Variants in MARK4 observed in about 807,000 individuals in gnomAD.
MARK4 encodes the protein microtubule affinity regulating kinase 4.
Under a neutral mutation model 81.5 loss-of-function variants are expected in MARK4, and 19 were observed. That is an observed-to-expected ratio of 0.23 (90% CI 0.16 to 0.34). The LOEUF (loss-of-function observed/expected upper bound fraction) is 0.34. Ranked by LOEUF, MARK4 falls within the 10% of genes least tolerant of loss-of-function variation. The pLI, the probability that MARK4 is intolerant of heterozygous loss-of-function variation, is 1.00. For missense variants in MARK4, 772 were observed against 1,058.8 expected (o/e 0.73, Z 3.76); for synonymous variants, 436 against 439.0 (o/e 0.99, Z 0.08).
intron 1 of MARK4, among the ~76,000 whole-genome samples, chr19:45,252,310 C>T (rs1401755379): frequency 1.3e-5 from 2 of 152,108 alleles, no homozygotes; most frequent in African/African-American, 2.4e-5. Context: ...ATCCCAGCAC[C>T]CCGGGGCCCC....
At position 45,302,332 on chromosome 19, in the gene MARK4, T is replaced by A. The variant is rs780997329; in HGVS notation, c.1923-42T>A. 5.0e-6 allele frequency: 8 copies of A among 1,613,562 alleles called. No individual in the cohort carries two copies. Among genetic ancestry groups the A allele is most frequent in the Non-Finnish European group, 6.8e-6 (8 of 1,179,680 alleles). ...TCCCTTCAGCCCTCCACCACATTCCTCTTCGCTCCCATCTCTGACCCCTGA... is the reference window on the plus strand; with the variant it reads ...TCCCTTCAGCCCTCCACCACATTCCACTTCGCTCCCATCTCTGACCCCTGA... On this transcript the variant is annotated intron_variant, in intron 16 of 16. Transcript: ENST00000262891. This position sits in a 1 kb window ranked among gnomAD's most constrained non-coding sequence, Gnocchi z 4.9.
chr19:45,259,133 G>A lies in MARK4; in HGVS notation c.196G>A (p.Gly66Arg), dbSNP rs1970348360. Residue 66 changes from glycine (G) to arginine (R), a missense_variant, in exon 2 of 17, where the codon GGG becomes AGG. Physicochemically the swap from Gly to Arg is moderately radical, Grantham distance 125 (BLOSUM62 -2). Around this residue, in one of 3 missense-constraint regions of MARK4, gnomAD observed 115 missense variants for 139.8 expected, o/e 0.82. Coordinates refer to ENST00000262891, the MANE Select transcript of MARK4 (RefSeq NM_001199867.2). ...VGNYRLLRTI[G>R]KGNFAKVKLA... ...CAACTACCGCCTGCTGAGGACCATT[G>A]GGAAGGGCAACTTTGCCAAAGTCAA... 1 of 1,614,158 alleles carries A rather than the reference G, an allele frequency of 6.2e-7. No individual in the cohort carries two copies. Among genetic ancestry groups the A allele is most frequent in the Non-Finnish European group, 8.5e-7 (1 of 1,180,036 alleles).
Position 45,304,179 on chromosome 19 carries a change from AG to A in MARK4, c.*1472del, listed in dbSNP as rs1971018533. On this transcript the variant is annotated 3_prime_UTR_variant, in exon 17 of 17. Coordinates refer to ENST00000262891, the MANE Select transcript of MARK4 (RefSeq NM_001199867.2). ...GAATTCTAGTAATTTTTATCAAGTA[AG>A]GGCTCCTTTCCTGGTGGCACAGATG... 6.6e-6 allele frequency: 1 copy of A among 152,238 alleles called. No homozygotes were observed. The highest frequency in any genetic ancestry group is 2.4e-5 in the African/African-American group (1 of 41,450). 9.4% of individuals were successfully genotyped at this position (152,238 alleles called of 1,614,324 possible). A position where few individuals can be genotyped will look rare whatever the true frequency, so the allele number is the denominator to read the frequency against.
chr19:45,302,946 T>C lies in MARK4; in HGVS notation c.*236T>C, dbSNP rs1249804512. 13 of 639,446 alleles carry C rather than the reference T, an allele frequency of 2.0e-5. No individual in the cohort carries two copies. Among genetic ancestry groups the C allele is most frequent in the Non-Finnish European group, 3.1e-5 (12 of 384,022 alleles). 39.6% of individuals were successfully genotyped at this position (639,446 alleles called of 1,614,324 possible). A position where few individuals can be genotyped will look rare whatever the true frequency, so the allele number is the denominator to read the frequency against. ...TTCCTGGAGCCTCCAGCCAGTCCTGTCCTCCCTCGCCCTACCAAGAGGGCA... is the reference window on the plus strand; with the variant it reads ...TTCCTGGAGCCTCCAGCCAGTCCTGCCCTCCCTCGCCCTACCAAGAGGGCA... On this transcript the variant is annotated 3_prime_UTR_variant, in exon 17 of 17. Coordinates refer to ENST00000262891, the MANE Select transcript of MARK4 (RefSeq NM_001199867.2). The surrounding 1 kb of genome is among the most constrained non-coding windows in gnomAD (Gnocchi z 4.9).
At chr19:45,256,944 C>T (rs1970314516) in intron 1 of MARK4, among the ~76,000 whole-genome samples, 1 of 151,450 alleles carries the variant, frequency 6.6e-6, no homozygotes, top group Non-Finnish European at 1.5e-5. Context: ...GATCTGATAT[C>T]AGTGATGTTT....
intron 12 of MARK4, among the ~76,000 whole-genome samples, chr19:45,282,440 C>T (rs1970688266): frequency 6.6e-6 from 1 of 152,032 alleles, no homozygotes; most frequent in Non-Finnish European, 1.5e-5. Context: ...GCCTGTAATC[C>T]CAGCACTTTG....
rs1038083822 is a variant in MARK4 at position 45,287,786 on chromosome 19, C to T, written c.1494+122C>T. 8.0e-6 allele frequency: 9 copies of T among 1,131,692 alleles called. No homozygotes were observed. In the African/African-American group the frequency reaches 1.4e-4, roughly 17 times the overall value. 70.1% of individuals were successfully genotyped at this position (1,131,692 alleles called of 1,614,324 possible). On this transcript the variant is annotated intron_variant, in intron 13 of 16. Coordinates refer to ENST00000262891, the MANE Select transcript of MARK4 (RefSeq NM_001199867.2). ...TTACCAACTCCTTCTTCTACCCATT[C>T]ATTCATTCAACAAACATTTATCGAG...
rs772886164 is a variant in MARK4, at chr19:45,298,191, G to C, written c.1877+237G>C. 4 of 1,613,860 alleles carry C rather than the reference G, an allele frequency of 2.5e-6. No individual in the cohort carries two copies. In the East Asian group the frequency reaches 8.9e-5, roughly 36 times the overall value. On this transcript the variant is annotated intron_variant, in intron 15 of 16. Coordinates refer to ENST00000262891, the MANE Select transcript of MARK4 (RefSeq NM_001199867.2). ...GGCAGAACTCTAACCGCTGTGTTTC[G>C]GGCGCCTCTCTGCCCCAGGGATCCA... is the stretch of plus-strand genomic sequence containing the variant.
intron 7 of MARK4, among the ~76,000 whole-genome samples, chr19:45,270,916 A>G (rs1970518900): frequency 6.6e-6 from 1 of 152,190 alleles, no homozygotes; most frequent in Non-Finnish European, 1.5e-5. Flanking sequence ...GATTATAGGC[A>G]TGTGCCACCA....
chr19:45,282,930 C>T (rs371106178), intron 12 of MARK4, among the ~76,000 whole-genome samples: 19 of 151,592 alleles, frequency 1.3e-4, no homozygotes, highest in African/African-American at 4.1e-4. Flanking sequence ...AGATCGAGGT[C>T]GTGGTGAGCC....
At chr19:45,254,064 G>A (rs1177489913) in intron 1 of MARK4, among the ~76,000 whole-genome samples, 1 of 152,112 alleles carries the variant, frequency 6.6e-6, no homozygotes, top group Non-Finnish European at 1.5e-5. Context: ...TGGAATGGGA[G>A]GTTGCAGCCC....
intron 13 of MARK4, 21 bp downstream of exon 13, chr19:45,287,685 G>A: frequency 6.3e-7 from 1 of 1,597,858 alleles, no homozygotes; most frequent in Non-Finnish European, 8.5e-7. Flanking sequence ...AGGGCTGGGG[G>A]GCAGGGCTGG....
intron 12 of MARK4, among the ~76,000 whole-genome samples, chr19:45,286,512 C>G (rs926345285): frequency 6.6e-6 from 1 of 151,338 alleles, no homozygotes; most frequent in African/African-American, 2.4e-5. Flanking sequence ...GAGTTTGAGA[C>G]CAGCCTAGAC....
chr19:45,262,018 C>G (rs372600742), intron 2 of MARK4, among the ~76,000 whole-genome samples: 2 of 152,060 alleles, frequency 1.3e-5, no homozygotes, highest in East Asian at 3.9e-4. Flanking sequence ...TATCTCAAAG[C>G]TGTTTTAAAA....
intron 7 of MARK4, among the ~76,000 whole-genome samples, chr19:45,268,224 T>C (rs1970480396): frequency 6.6e-6 from 1 of 152,040 alleles, no homozygotes; most frequent in African/African-American, 2.4e-5. Flanking sequence ...GAGGATTGCT[T>C]GAGCCCAGAA....
chr19:45,300,344 GAAA>G (rs745730201), intron 16 of MARK4, among the ~76,000 whole-genome samples: 16 of 32,338 alleles, frequency 4.9e-4, no homozygotes, highest in East Asian at 1.9e-3. Context: ...AACTCCGTCT[GAAA>G]AAAAAAAAAA....
At chr19:45,266,794 G>A (rs998274428) in intron 7 of MARK4, among the ~76,000 whole-genome samples, 3 of 148,154 alleles carry the variant, frequency 2.0e-5, no homozygotes, top group African/African-American at 7.5e-5. Context: ...GTGAAGTGGC[G>A]CGATCTCCGC....
chr19:45,263,379 A>G lies in MARK4; in HGVS notation c.355+12A>G. 1.2e-6 allele frequency: 2 copies of G among 1,613,938 alleles called. No homozygotes were observed. Among genetic ancestry groups the G allele is most frequent in the East Asian group, 2.2e-5 (1 of 44,878 alleles). On this transcript the variant is annotated intron_variant, in intron 4 of 16. Transcript: ENST00000262891. Reference sequence around the variant, plus strand: ...CCACCCCAACATCGGTGAGGAGGGAATGGGAGCAGGGGCAGGCCACCAACT... The same window carrying G: ...CCACCCCAACATCGGTGAGGAGGGAGTGGGAGCAGGGGCAGGCCACCAACT...
In MARK4 at chr19:45,251,677, G is replaced by A. The variant is rs777655411; in HGVS notation, c.51+38G>A. ...CGGCCCCTTGGGGAGCCCTGGCTGG[G>A]TCCAGCCGCCAAACCCTTCTCCCCG... On this transcript the variant is annotated intron_variant, in intron 1 of 16. Coordinates refer to ENST00000262891, the MANE Select transcript of MARK4 (RefSeq NM_001199867.2). 17 of 1,500,674 alleles carry A rather than the reference G, an allele frequency of 1.1e-5. No homozygotes were observed. The East Asian group carries it at 4.5e-4, about 40-fold the overall frequency. The allele number at this position is 1,500,674 out of a possible 1,614,324, so 93.0% of individuals were successfully genotyped here. A position where few individuals can be genotyped will look rare whatever the true frequency, so the allele number is the denominator to read the frequency against.
Sources: allele counts gnomAD v4.1 joint callset (sites outside exome capture counted in the v4.1 genomes callset), GRCh38; gene constraint gnomAD v4.1.1; regional missense constraint gnomAD v4.1.1; non-coding constraint Gnocchi (gnomAD v3.1); transcripts MANE v1.5; gene names NCBI Gene and HGNC (gene_info 2026-07-23, HGNC 2026-07-21).